The following FAT3 variants were observed in gnomAD, a reference collection of about 807,000 sequenced individuals.
The protein encoded by FAT3 is FAT atypical cadherin 3.
A neutral mutation model predicts 310.2 loss-of-function variants in FAT3; 95 were observed. That is an observed-to-expected ratio of 0.31 (90% CI 0.26 to 0.36). The LOEUF (loss-of-function observed/expected upper bound fraction) is 0.36. Among genes scored for constraint, FAT3 ranks in the 10% least tolerant of loss-of-function variants. The probability of loss-of-function intolerance (pLI) is 1.00; values close to 1 mark genes in which losing one functional copy is unlikely to be tolerated. For synonymous variants in FAT3, 2,314 were observed against 2,192.9 expected (o/e 1.06, Z -1.54); for missense variants, 5,408 against 5,715.6 (o/e 0.95, Z 1.74).
intron 1 of FAT3, among the ~76,000 whole-genome samples, chr11:92,238,222 G>A (rs1044651309): frequency 2.0e-5 from 3 of 152,118 alleles, no homozygotes; most frequent in Non-Finnish European, 4.4e-5. Context: ...TTCTTTGAGG[G>A]CTGAGTATTT....
At chr11:92,546,650 A>T (rs1416578833) in intron 3 of FAT3, among the ~76,000 whole-genome samples, 2 of 152,198 alleles carry the variant, frequency 1.3e-5, no homozygotes, top group Non-Finnish European at 2.9e-5. Flanking sequence ...CCTTCTTTTG[A>T]ATATTAAGCT....
intron 2 of FAT3, among the ~76,000 whole-genome samples, chr11:92,507,753 C>T (rs1953162630): frequency 6.7e-6 from 1 of 149,660 alleles, no homozygotes; most frequent in African/African-American, 2.5e-5. Context: ...CATACACACC[C>T]TATATATATA....
intron 3 of FAT3, among the ~76,000 whole-genome samples, chr11:92,658,073 G>A (rs976092113): frequency 6.6e-6 from 1 of 152,122 alleles, no homozygotes; most frequent in South Asian, 2.1e-4. Flanking sequence ...GATATTTAAT[G>A]AATATTAAGC....
intron 2 of FAT3, chr11:92,498,352 C>G (rs1012645809): frequency 8.5e-6 from 2 of 236,332 alleles, no homozygotes; most frequent in African/African-American, 4.6e-5. Flanking sequence ...TTTTCTTTGT[C>G]TTTTCCGATG....
rs1156484666 is a variant in FAT3, at chr11:92,431,611, C to T, written c.3292+76207C>T. 3.3e-5 allele frequency among the ~76,000 whole-genome samples: 5 copies of T among 151,170 alleles called. No homozygotes were observed. In the South Asian group the frequency reaches 1.0e-3, roughly 32 times the overall value. ...CATGCCTATGTCCTGAATGGTATTG[C>T]CTAGGTTTTCTTCTAGGGTTTTTAT... On this transcript the variant is annotated intron_variant, in intron 2 of 27. Coordinates refer to ENST00000525166, the MANE Select transcript of FAT3 (RefSeq NM_001367949.2).
At chr11:92,556,160 T>C (rs1955010823) in intron 3 of FAT3, among the ~76,000 whole-genome samples, 1 of 152,230 alleles carries the variant, frequency 6.6e-6, no homozygotes, top group Non-Finnish European at 1.5e-5. Context: ...GCTGCACTTT[T>C]CTGGAAACCA....
Position 92,355,331 on chromosome 11 carries a change from A to G in FAT3, c.3219A>G (p.Gly1073=), listed in dbSNP as rs781567891. The G allele has an allele frequency of 6.2e-7, 1 of 1,613,806 alleles. No individual in the cohort carries two copies. The highest frequency in any genetic ancestry group is 1.1e-5 in the South Asian group (1 of 91,074). Residue 1073 remains glycine (G), a synonymous_variant, in exon 2 of 28, where the codon GGA becomes GGG. Transcript: ENST00000525166. ...TGACTGCTCGAGATGAAGACTCCGG[A>G]AGGGATGGAGAGATCCAGTACTCCA... ...LQVTARDEDS[G]RDGEIQYSIR...
intron 22 of FAT3, among the ~76,000 whole-genome samples, chr11:92,877,596 G>A (rs998914406): frequency 2.6e-5 from 4 of 152,174 alleles, no homozygotes; most frequent in Non-Finnish European, 4.4e-5. Flanking sequence ...GATAAGATGA[G>A]CTGTTGCTAG....
chr11:92,515,590 A>G (rs1370962865), intron 2 of FAT3, among the ~76,000 whole-genome samples: 1 of 152,108 alleles, frequency 6.6e-6, no homozygotes, highest in African/African-American at 2.4e-5. Flanking sequence ...CTGACAAACT[A>G]AAGTTTGAGA....
At position 92,277,730 on chromosome 11, in the gene FAT3, G is replaced by GA. The variant is rs558551462; in HGVS notation, c.-18+52560dup. On this transcript the variant is annotated intron_variant, in intron 1 of 27. Coordinates refer to ENST00000525166, the MANE Select transcript of FAT3 (RefSeq NM_001367949.2). Reference sequence around the variant, plus strand: ...AGAGAGAGAGAGGAGGGCAAGGGTTGAAAAGCTACCTGTTGCTTACTATGC... The same window carrying GA: ...AGAGAGAGAGAGGAGGGCAAGGGTTGAAAAAGCTACCTGTTGCTTACTATGC... Among the ~76,000 whole-genome samples the GA allele has an allele frequency of 7.9e-4, 120 of 152,194 alleles. 1 individual carries two copies. The highest frequency in any genetic ancestry group is 2.6e-3 in the African/African-American group (109 of 41,526).
intron 7 of FAT3, among the ~76,000 whole-genome samples, chr11:92,774,560 G>C (rs1946547640): frequency 6.6e-6 from 1 of 152,164 alleles, no homozygotes; most frequent in African/African-American, 2.4e-5. Context: ...GTCACAGAAA[G>C]TTATAGCTAA....
In FAT3 at chr11:92,280,841, G is replaced by A. The variant is rs61901519; in HGVS notation, c.-18+55667G>A. Among the ~76,000 whole-genome samples, 1,274 of 152,190 alleles carry A rather than the reference G, an allele frequency of 8.4e-3. 13 individuals carry two copies. The highest frequency in any genetic ancestry group is 0.027 in the Middle Eastern group (8 of 294). ...TCATGCTGTTTCATGAGAGACCTTC[G>A]TACATACAATTTCTTGTGTCAACCC... On this transcript the variant is annotated intron_variant, in intron 1 of 27. Transcript: ENST00000525166.
chr11:92,892,698 A>T lies in FAT3; in HGVS notation c.*1585A>T, dbSNP rs1949941427. The T allele has an allele frequency of 6.6e-6, 1 of 152,244 alleles. No individual in the cohort carries two copies. Among genetic ancestry groups the T allele is most frequent in the Non-Finnish European group, 1.5e-5 (1 of 68,072 alleles). The allele number at this position is 152,244 out of a possible 1,614,324, so 9.4% of individuals were successfully genotyped here. Reference sequence around the variant, plus strand: ...AGTGCTGGGATTACAGGCATGAGCCACCGTGCCCAGCCCAAAACTGTGCTT... The same window carrying T: ...AGTGCTGGGATTACAGGCATGAGCCTCCGTGCCCAGCCCAAAACTGTGCTT... On this transcript the variant is annotated 3_prime_UTR_variant, in exon 28 of 28. Transcript: ENST00000525166.
chr11:92,320,882 G>GGT (rs1024115049), intron 1 of FAT3, among the ~76,000 whole-genome samples: 7 of 117,096 alleles, frequency 6.0e-5, no homozygotes, highest in African/African-American at 2.1e-4. Flanking sequence ...AAAAAAAAAG[G>GGT]GGGGGGTACT....
chr11:92,821,269 A>G (rs976051545), intron 13 of FAT3, among the ~76,000 whole-genome samples: 2 of 152,244 alleles, frequency 1.3e-5, no homozygotes, highest in African/African-American at 2.4e-5. Context: ...GGAGATTATC[A>G]TCACTTCAGC....
At chr11:92,429,801 C>G (rs1414737633) in intron 2 of FAT3, among the ~76,000 whole-genome samples, 2 of 152,054 alleles carry the variant, frequency 1.3e-5, no homozygotes, top group African/African-American at 2.4e-5. Flanking sequence ...CTCTGGCTGC[C>G]CTTAACATTT....
chr11:92,616,816 T>C (rs1034140487), intron 3 of FAT3, among the ~76,000 whole-genome samples: 1 of 152,242 alleles, frequency 6.6e-6, no homozygotes, highest in African/African-American at 2.4e-5. Context: ...CACTCTCTAC[T>C]GGCTTGTAGA....
At chr11:92,461,503 C>G (rs1396756416) in intron 2 of FAT3, among the ~76,000 whole-genome samples, 1 of 151,918 alleles carries the variant, frequency 6.6e-6, no homozygotes, top group African/African-American at 2.4e-5. Context: ...ATGTTGAAAA[C>G]AAGGGTGGGT....
chr11:92,836,393 C>T (rs1285547228), intron 15 of FAT3, among the ~76,000 whole-genome samples, 173 bp from the exon 16 acceptor site: 1 of 152,190 alleles, frequency 6.6e-6, no homozygotes, highest in Non-Finnish European at 1.5e-5. Context: ...TGCCACCCTC[C>T]TTCAGCTGAT....
Sources: gnomAD v4.1 joint callset for allele counts (sites outside exome capture counted in the v4.1 genomes callset) on GRCh38, gnomAD v4.1.1 for gene constraint, MANE v1.5 for transcripts, NCBI Gene and HGNC (gene_info 2026-07-23, HGNC 2026-07-21) for gene names.